PYROXD1: variants seen among roughly 807,000 people sequenced by gnomAD.
PYROXD1 encodes pyridine nucleotide-disulphide oxidoreductase domain 1.
PYROXD1 carries 42 observed loss-of-function variants against 62.0 expected under a neutral mutation model. That is an observed-to-expected ratio of 0.68 (90% confidence interval 0.53 to 0.88). The LOEUF (loss-of-function observed/expected upper bound fraction) is 0.88. Among genes scored for constraint, PYROXD1 ranks in the 40% least tolerant of loss-of-function variants. The probability of loss-of-function intolerance (pLI) is 0.00; values close to 1 mark genes in which losing one functional copy is unlikely to be tolerated. For missense variants in PYROXD1, 493 were observed against 604.8 expected (o/e 0.82, Z 1.94); for synonymous variants, 170 against 206.4 (o/e 0.82, Z 1.51).
chr12:21,449,905 T>C (rs888763852), intron 4 of PYROXD1, among the ~76,000 whole-genome samples: 24 of 151,562 alleles, frequency 1.6e-4, no homozygotes, highest in African/African-American at 5.6e-4. Context: ...TTGCCCAGGC[T>C]GGAGTGCAGT....
At chr12:21,446,094 G>A (rs1330509897) in intron 3 of PYROXD1, among the ~76,000 whole-genome samples, 1 of 152,214 alleles carries the variant, frequency 6.6e-6, no homozygotes, top group Non-Finnish European at 1.5e-5. Flanking sequence ...AGATAAGTAA[G>A]TGAGAACCTG....
At chr12:21,455,524 G>A (rs888259500) in intron 6 of PYROXD1, among the ~76,000 whole-genome samples, 1 of 150,902 alleles carries the variant, frequency 6.6e-6, no homozygotes, top group East Asian at 1.9e-4. Context: ...CAGCCCATCT[G>A]CATCTTTGCA....
At chr12:21,437,838 C>T (rs985911674) in intron 1 of PYROXD1, 24 bp downstream of exon 1, 24 of 1,602,932 alleles carry the variant, frequency 1.5e-5, no homozygotes, top group East Asian at 1.1e-4. Context: ...CAGGCGGTTC[C>T]GCCTCTTTCC....
At chr12:21,449,765 A>G (rs1299526525) in intron 4 of PYROXD1, 74 bp downstream of exon 4, 3 of 1,350,914 alleles carry the variant, frequency 2.2e-6, no homozygotes, top group African/African-American at 3.0e-5. Context: ...TGTTCCACTT[A>G]CAATTCCTAA....
intron 4 of PYROXD1, among the ~76,000 whole-genome samples, chr12:21,450,981 T>C (rs1942486291): frequency 6.6e-6 from 1 of 152,236 alleles, no homozygotes; most frequent in African/African-American, 2.4e-5. Context: ...CTTGTGCTTT[T>C]CACCTCTAGG....
chr12:21,452,269 T>C, intron 5 of PYROXD1, 115 bp downstream of exon 5: 1 of 697,066 alleles, frequency 1.4e-6, no homozygotes, highest in Non-Finnish European at 2.1e-6. Flanking sequence ...GAAAATGTTT[T>C]TTATTCTGAA....
intron 2 of PYROXD1, among the ~76,000 whole-genome samples, chr12:21,443,999 G>T (rs932805943): frequency 2.6e-5 from 4 of 152,172 alleles, no homozygotes; most frequent in African/African-American, 9.7e-5. Flanking sequence ...GTATAGCTGG[G>T]TCTCATAAGT....
rs1287348479 is a variant in PYROXD1 at position 21,470,038 on chromosome 12, TC to T, written c.*1285del. 1.3e-6 allele frequency: 1 copy of T among 766,096 alleles called. No individual in the cohort carries two copies. The highest frequency in any genetic ancestry group is 1.8e-5 in the African/African-American group (1 of 54,766). 47.5% of individuals were successfully genotyped at this position (766,096 alleles called of 1,614,324 possible). A position where few individuals can be genotyped will look rare whatever the true frequency, so the allele number is the denominator to read the frequency against. On this transcript the variant is annotated 3_prime_UTR_variant, in exon 12 of 12. Coordinates refer to ENST00000240651, the MANE Select transcript of PYROXD1 (RefSeq NM_024854.5). ...CATGATCTCTAATTTTCAAACATTC[TC>T]AAAAGTTTAGATCTTCAGAGATAAG...
chr12:21,464,437 G>T (rs1942754460), intron 10 of PYROXD1, among the ~76,000 whole-genome samples: 1 of 149,228 alleles, frequency 6.7e-6, no homozygotes, highest in South Asian at 2.1e-4. Context: ...TTACAGAGGA[G>T]ATTGAAAAAA....
intron 10 of PYROXD1, among the ~76,000 whole-genome samples, chr12:21,465,659 T>A (rs1380921669): frequency 2.0e-5 from 3 of 152,064 alleles, no homozygotes; most frequent in Non-Finnish European, 2.9e-5. Context: ...GTGCAGAAGC[T>A]CTTTAGTGTA....
At chr12:21,458,851 G>T (rs190969099) in intron 7 of PYROXD1, among the ~76,000 whole-genome samples, 97 of 152,220 alleles carry the variant, frequency 6.4e-4, no homozygotes, top group African/African-American at 2.3e-3. Context: ...CACCATAAAA[G>T]ATCTAATAAT....
intron 10 of PYROXD1, among the ~76,000 whole-genome samples, chr12:21,463,116 G>A (rs1286913310): frequency 7.7e-6 from 1 of 130,704 alleles, no homozygotes; most frequent in Non-Finnish European, 1.7e-5. Context: ...ATTCTTACCT[G>A]CTTATCAGCA....
chr12:21,470,469 G>T lies in PYROXD1; in HGVS notation c.*1715G>T. The T allele has an allele frequency of 2.8e-6, 3 of 1,068,658 alleles. No homozygotes were observed. Among genetic ancestry groups the T allele is most frequent in the Non-Finnish European group, 3.9e-6 (3 of 778,482 alleles). 66.2% of individuals were successfully genotyped at this position (1,068,658 alleles called of 1,614,324 possible). A position where few individuals can be genotyped will look rare whatever the true frequency, so the allele number is the denominator to read the frequency against. On this transcript the variant is annotated 3_prime_UTR_variant, in exon 12 of 12. Transcript: ENST00000240651. ...TCAGTTGGCTTTTTAAGTATACAGG[G>T]GTCTAGTTTTTTATCTACAAATTTC...
intron 5 of PYROXD1, among the ~76,000 whole-genome samples, 194 bp downstream of exon 5, chr12:21,452,348 T>C (rs1427386174): frequency 1.3e-5 from 2 of 152,142 alleles, no homozygotes; most frequent in Non-Finnish European, 2.9e-5. Flanking sequence ...TTAGCTCTTG[T>C]GGAATCCGTA....
At chr12:21,467,444 A>C (rs763163800) in intron 10 of PYROXD1, 37 bp from the exon 11 acceptor site, 1 of 1,564,522 alleles carries the variant, frequency 6.4e-7, no homozygotes, top group Non-Finnish European at 8.7e-7. Flanking sequence ...AATGATCATG[A>C]AAAATGACAT....
chr12:21,438,568 A>G (rs753178191), intron 1 of PYROXD1: 1 of 152,212 alleles, frequency 6.6e-6, no homozygotes, highest in Non-Finnish European at 1.5e-5. Flanking sequence ...AACTCCCAAG[A>G]TAGAAGAAAC....
intron 3 of PYROXD1, chr12:21,447,830 CA>C (rs1371157911): frequency 4.4e-4 from 73 of 166,300 alleles, no homozygotes; most frequent in South Asian, 7.3e-4. Flanking sequence ...ACTAAAAATA[CA>C]AAAAAAAATT....
At chr12:21,468,473 T>C in intron 11 of PYROXD1, 33 bp from the exon 12 acceptor site, 1 of 1,584,470 alleles carries the variant, frequency 6.3e-7, no homozygotes, top group Non-Finnish European at 8.6e-7. Context: ...TTTATGATAC[T>C]CATGACAATA....
In PYROXD1 at chr12:21,461,991, G is replaced by T. The variant is rs200563552; in HGVS notation, c.881-17G>T. On this transcript the variant is annotated splice_polypyrimidine_tract_variant and intron_variant, in intron 8 of 11. Coordinates refer to ENST00000240651, the MANE Select transcript of PYROXD1 (RefSeq NM_024854.5). ...TTTACAAATAAAGTCTGTTTTTTTG[G>T]TTTTTTTTTCTTAAAGAGATGTGGC... 7.2e-4 allele frequency: 1,000 copies of T among 1,395,596 alleles called. 3 individuals are homozygous for T. In the African/African-American group the frequency reaches 9.3e-3, roughly 13 times the overall value. The allele number at this position is 1,395,596 out of a possible 1,614,324, so 86.5% of individuals were successfully genotyped here.
Sources: gnomAD v4.1 joint callset for allele counts (sites outside exome capture counted in the v4.1 genomes callset) on GRCh38, gnomAD v4.1.1 for gene constraint, MANE v1.5 for transcripts, NCBI Gene and HGNC (gene_info 2026-07-23, HGNC 2026-07-21) for gene names.